The following RARB variants were observed in gnomAD, a reference collection of about 807,000 sequenced individuals.
RARB encodes the protein HBV-activated protein.
A neutral mutation model predicts 51.9 loss-of-function variants in RARB; 17 were observed. The ratio of observed to expected loss-of-function variants is 0.33; its 90% CI spans 0.22 to 0.49. The LOEUF is 0.49. Ranked by LOEUF, RARB falls within the 20% of genes least tolerant of loss-of-function variation. The probability of loss-of-function intolerance (pLI) is 0.99; values close to 1 mark genes in which losing one functional copy is unlikely to be tolerated. For synonymous variants in RARB, 215 were observed against 195.4 expected, an observed-to-expected ratio of 1.10 and a Z score of -0.84; for missense variants, 369 against 550.8, an observed-to-expected ratio of 0.67 and a Z score of 3.30.
chr3:25,554,598 G>C (rs1699979986), intron 3 of RARB, among the ~76,000 whole-genome samples: 1 of 152,166 alleles, frequency 6.6e-6, no homozygotes, highest in South Asian at 2.1e-4. Flanking sequence ...CTGTGACTCA[G>C]TGAGGAACCA....
intron 5 of RARB, among the ~76,000 whole-genome samples, chr3:25,335,599 C>T (rs923803466): frequency 6.6e-6 from 1 of 152,200 alleles, no homozygotes; most frequent in African/African-American, 2.4e-5. Context: ...AGGGTAACTG[C>T]TAACAGCATT....
chr3:25,276,791 A>G (rs1159192420), intron 5 of RARB, among the ~76,000 whole-genome samples: 1 of 152,226 alleles, frequency 6.6e-6, no homozygotes, highest in Non-Finnish European at 1.5e-5. Context: ...GTGAAGACCA[A>G]GTTTTGTCAA....
chr3:25,146,721 A>G (rs776099812), intron 4 of RARB, among the ~76,000 whole-genome samples: 5 of 151,528 alleles, frequency 3.3e-5, no homozygotes, highest in South Asian at 2.1e-4. Flanking sequence ...GGGTTTCACC[A>G]TGTTAGCCAG....
chr3:25,228,400 C>A (rs774520248), intron 5 of RARB, among the ~76,000 whole-genome samples: 1 of 151,836 alleles, frequency 6.6e-6, no homozygotes, highest in Non-Finnish European at 1.5e-5. Context: ...ATTCTACTCC[C>A]GTTTCTAATG....
intron 4 of RARB, among the ~76,000 whole-genome samples, chr3:25,173,671 A>G (rs1270804821): frequency 6.6e-6 from 1 of 152,196 alleles, no homozygotes; most frequent in Non-Finnish European, 1.5e-5. Flanking sequence ...AAAAAATTTC[A>G]TTCATTCAAC....
At chr3:25,501,036 A>G (rs1179929979) in intron 2 of RARB, 146 bp from the exon 3 acceptor site, 1 of 921,810 alleles carries the variant, frequency 1.1e-6, no homozygotes, top group East Asian at 2.9e-5. Context: ...TCTCACGAGG[A>G]TTTTAAGGTT....
chr3:24,830,760 T>C (rs1702269548), intron 1 of RARB, among the ~76,000 whole-genome samples: 1 of 148,902 alleles, frequency 6.7e-6, no homozygotes, highest in Non-Finnish European at 1.5e-5. Context: ...AGGAAAGAGG[T>C]AGGAGCGGGA....
At chr3:25,117,020 G>A (rs1699699416) in intron 3 of RARB, among the ~76,000 whole-genome samples, 1 of 152,240 alleles carries the variant, frequency 6.6e-6, no homozygotes, top group East Asian at 1.9e-4. Flanking sequence ...ACTAAAGATA[G>A]ACCAGCCAGA....
chr3:25,044,531 T>G (rs1698176063), intron 2 of RARB, among the ~76,000 whole-genome samples: 1 of 152,216 alleles, frequency 6.6e-6, no homozygotes, highest in African/African-American at 2.4e-5. Context: ...CTTGTCGTAG[T>G]AATCAGCCTG....
chr3:25,068,133 CAAAAAAAAAAAAAAAAAAAAAA>C (rs55826425), intron 3 of RARB, among the ~76,000 whole-genome samples: 58 of 33,266 alleles, frequency 1.7e-3, no homozygotes, highest in Admixed American at 3.1e-3. Flanking sequence ...GACTCCATCT[CAAAAAAAAAAAAAAAAAAAAAA>C]AAAAAAAAAA....
chr3:25,190,886 AATC>A (rs1701086971), intron 5 of RARB, among the ~76,000 whole-genome samples: 2 of 152,026 alleles, frequency 1.3e-5, no homozygotes, highest in Admixed American at 1.3e-4. Context: ...CATCAAAAAA[AATC>A]ATCTGGTTCA....
intron 1 of RARB, among the ~76,000 whole-genome samples, chr3:25,459,990 G>T (rs956268705): frequency 1.4e-4 from 22 of 152,200 alleles, no homozygotes; most frequent in African/African-American, 5.1e-4. Context: ...AGAACACCCC[G>T]TTCTTATATT....
At chr3:25,131,852 T>C (rs1170004912) in intron 3 of RARB, among the ~76,000 whole-genome samples, 1 of 151,882 alleles carries the variant, frequency 6.6e-6, no homozygotes, top group Admixed American at 6.6e-5. Context: ...TGAGAAGTTT[T>C]TCACCGTTAC....
Position 24,951,962 on chromosome 3 carries a change from G to A in RARB, c.-380+93210G>A, listed in dbSNP as rs149058605. Reference sequence around the variant, plus strand: ...ATTATAGGAAACGTAATACACCCTTGCTCTATGCAGTGCATTGCAAATTGC... The same window carrying A: ...ATTATAGGAAACGTAATACACCCTTACTCTATGCAGTGCATTGCAAATTGC... On this transcript the variant is annotated intron_variant, in intron 2 of 11. Transcript: ENST00000383772. Among the ~76,000 whole-genome samples the A allele has an allele frequency of 2.8e-3, 431 of 152,282 alleles. 1 individual carries two copies. The highest frequency in any genetic ancestry group is 1.0e-2 in the African/African-American group (415 of 41,544).
At chr3:25,553,610 G>A (rs1211763228) in intron 3 of RARB, among the ~76,000 whole-genome samples, 2 of 152,186 alleles carry the variant, frequency 1.3e-5, no homozygotes, top group Non-Finnish European at 2.9e-5. Context: ...CCCCCTTGGA[G>A]TATCTTACAT....
chr3:25,215,872 T>G (rs912800362), intron 5 of RARB, among the ~76,000 whole-genome samples: 1 of 152,188 alleles, frequency 6.6e-6, no homozygotes, highest in African/African-American at 2.4e-5. Context: ...CTGGCGTATT[T>G]TGATGTCAGA....
At chr3:25,410,186 C>T (rs1707521863) in intron 5 of RARB, among the ~76,000 whole-genome samples, 1 of 152,190 alleles carries the variant, frequency 6.6e-6, no homozygotes, top group African/African-American at 2.4e-5. Context: ...GTCACAATAG[C>T]TGGCCCTTTC....
At chr3:25,171,313 A>T (rs1441381125) in intron 4 of RARB, among the ~76,000 whole-genome samples, 1 of 152,032 alleles carries the variant, frequency 6.6e-6, no homozygotes, top group African/African-American at 2.4e-5. Flanking sequence ...TTTTTCTAAA[A>T]GCCTGAAACA....
At chr3:25,247,943 G>A (rs540401972) in intron 5 of RARB, among the ~76,000 whole-genome samples, 1 of 152,264 alleles carries the variant, frequency 6.6e-6, no homozygotes, top group South Asian at 2.1e-4. Context: ...TTAGTTTTCT[G>A]TCTAGATGAT....
Sources: allele counts gnomAD v4.1 joint callset (sites outside exome capture counted in the v4.1 genomes callset), GRCh38; gene constraint gnomAD v4.1.1; transcripts MANE v1.5; gene names NCBI Gene and HGNC (gene_info 2026-07-23, HGNC 2026-07-21).